Variants in DSTN observed in about 807,000 individuals in gnomAD.
The protein encoded by DSTN is destrin.
In DSTN, 10 loss-of-function variants were observed where a neutral mutation model predicts 16.8. The ratio of observed to expected loss-of-function variants is 0.60; its 90% CI spans 0.37 to 1.01. The LOEUF is 1.01. Among genes scored for constraint, DSTN ranks in the 50% least tolerant of loss-of-function variants. The probability of loss-of-function intolerance (pLI) is 0.01; values close to 1 mark genes in which losing one functional copy is unlikely to be tolerated. For synonymous variants in DSTN, 57 were observed against 58.9 expected (o/e 0.97, Z 0.14); for missense variants, 141 against 196.7 (o/e 0.72, Z 1.69).
chr20:17,582,053 A>G (rs1470082018), intron 1 of DSTN, among the ~76,000 whole-genome samples: 1 of 151,234 alleles, frequency 6.6e-6, no homozygotes, highest in African/African-American at 2.4e-5. Flanking sequence ...TACAAGAAAA[A>G]GTCCCTGTCT....
At chr20:17,602,423 G>A (rs543370231) in intron 2 of DSTN, among the ~76,000 whole-genome samples, 1 of 152,268 alleles carries the variant, frequency 6.6e-6, no homozygotes, top group East Asian at 1.9e-4. Context: ...TTTTAAATTG[G>A]TCGGTATTTC....
rs1460235930 is a variant in DSTN, at chr20:17,600,872, C to T, written c.138C>T (p.Cys46=). 5.6e-6 allele frequency: 9 copies of T among 1,613,806 alleles called. No homozygotes were observed. The highest frequency in any genetic ancestry group is 5.9e-6 in the Non-Finnish European group (7 of 1,179,836). The change falls in exon 2 of 4, where the codon TGC becomes TGT. Residue 46 remains cysteine, a synonymous_variant. Coordinates refer to ENST00000246069, the MANE Select transcript of DSTN (RefSeq NM_006870.4). ...VIFCLSADKK[C]IIVEEGKEIL... Reference sequence around the variant, plus strand: ...TTTGTCTCAGTGCAGACAAAAAGTGCATCATTGTAGAAGAAGGCAAAGAGA... The same window carrying T: ...TTTGTCTCAGTGCAGACAAAAAGTGTATCATTGTAGAAGAAGGCAAAGAGA...
At chr20:17,579,698 T>C (rs1568731091) in intron 1 of DSTN, among the ~76,000 whole-genome samples, 1 of 152,262 alleles carries the variant, frequency 6.6e-6, no homozygotes, top group Non-Finnish European at 1.5e-5. Flanking sequence ...TATTACTTGC[T>C]ATCCAAGTGG....
rs2035650611 is a variant in DSTN at position 17,607,070 on chromosome 20, A to T, written c.422A>T (p.Glu141Val). ...CATGAATGTCAAGCAAATGGACCAGAAGATCTCAATCGGGCTTGTATTGCT... is the reference window on the plus strand; with the variant it reads ...CATGAATGTCAAGCAAATGGACCAGTAGATCTCAATCGGGCTTGTATTGCT... ...IKHECQANGP[E>V]DLNRACIAEK... The change falls in exon 4 of 4, where the codon GAA (glutamate) becomes GTA (valine). Residue 141 changes from glutamate (E) to valine (V), a missense_variant. By Grantham distance (121) the Glu-to-Val change is moderately radical. Coordinates refer to ENST00000246069, the MANE Select transcript of DSTN (RefSeq NM_006870.4). 2 of 1,613,964 alleles carry T rather than the reference A, an allele frequency of 1.2e-6. No homozygotes were observed. Among genetic ancestry groups the T allele is most frequent in the Non-Finnish European group, 1.7e-6 (2 of 1,180,002 alleles).
chr20:17,601,438 T>C (rs916149393), intron 2 of DSTN, among the ~76,000 whole-genome samples: 2 of 152,226 alleles, frequency 1.3e-5, no homozygotes, highest in African/African-American at 4.8e-5. Context: ...CACCCCTTCC[T>C]TGTGCCTCTG....
intron 1 of DSTN, among the ~76,000 whole-genome samples, chr20:17,598,539 A>T (rs1210633614): frequency 6.6e-6 from 1 of 152,168 alleles, no homozygotes; most frequent in African/African-American, 2.4e-5. Context: ...AATCCTTTAA[A>T]ACTGTTTTTT....
Position 17,579,723 on chromosome 20 carries a change from A to T in DSTN, c.3+9512A>T, listed in dbSNP as rs144335798. 3.9e-5 allele frequency among the ~76,000 whole-genome samples: 6 copies of T among 152,372 alleles called. No individual in the cohort carries two copies. The East Asian group carries it at 1.2e-3, about 29-fold the overall frequency. On this transcript the variant is annotated intron_variant, in intron 1 of 3. Coordinates refer to ENST00000246069, the MANE Select transcript of DSTN (RefSeq NM_006870.4). ...TATCCAAGTGGAAGAAGCCAGAATCATTTATTTAACTCATTAAAAAGGGAT... is the reference window on the plus strand; with the variant it reads ...TATCCAAGTGGAAGAAGCCAGAATCTTTTATTTAACTCATTAAAAAGGGAT...
intron 3 of DSTN, among the ~76,000 whole-genome samples, chr20:17,606,568 A>C (rs775860181): frequency 6.6e-6 from 1 of 152,242 alleles, no homozygotes; most frequent in Non-Finnish European, 1.5e-5. Flanking sequence ...AAAGTACAAC[A>C]TATCTTTAGA....
At chr20:17,583,735 C>CTTTTTTTTTTTTTTTGTTTTTTTTTTT (rs2035373052) in intron 1 of DSTN, among the ~76,000 whole-genome samples, 1 of 72,484 alleles carries the variant, frequency 1.4e-5, no homozygotes, top group Non-Finnish European at 2.4e-5. Flanking sequence ...TTTGGAGTTT[C>CTTTTTTTTTTTTTTTGTTTTTTTTTTT]TTTTTTTTTT....
At chr20:17,575,962 C>G (rs928041349) in intron 1 of DSTN, among the ~76,000 whole-genome samples, 9 of 152,238 alleles carry the variant, frequency 5.9e-5, no homozygotes, top group South Asian at 4.1e-4. Context: ...TTCATGCCTC[C>G]TTTCATTGAT....
intron 1 of DSTN, chr20:17,596,581 CT>C: frequency 1.0e-6 from 1 of 977,766 alleles, no homozygotes. Context: ...TTTAACCTCA[CT>C]GCTGTAGTTC....
chr20:17,601,156 A>T, intron 2 of DSTN, 111 bp downstream of exon 2: 5 of 1,318,530 alleles, frequency 3.8e-6, no homozygotes, highest in Non-Finnish European at 5.1e-6. Context: ...AGTTGTTGTC[A>T]TTTAATTTTT....
chr20:17,594,082 AAAATAAATAAAT>A (rs59974407), intron 1 of DSTN, among the ~76,000 whole-genome samples: 26 of 145,606 alleles, frequency 1.8e-4, no homozygotes, highest in Middle Eastern at 3.4e-3. Flanking sequence ...CCGTATCTCA[AAAATAAATAAAT>A]AAATAAATAA....
intron 1 of DSTN, among the ~76,000 whole-genome samples, chr20:17,578,698 C>T (rs569778666): frequency 5.3e-5 from 8 of 152,112 alleles, no homozygotes; most frequent in African/African-American, 1.2e-4. Context: ...TGGTGGCTCA[C>T]GCCTGTTATC....
chr20:17,579,579 A>T (rs1405856753), intron 1 of DSTN, among the ~76,000 whole-genome samples: 1 of 152,134 alleles, frequency 6.6e-6, no homozygotes, highest in East Asian at 1.9e-4. Context: ...CAAGACCCTG[A>T]TCCCCCCAAA....
At position 17,583,156 on chromosome 20, in the gene DSTN, A is replaced by G. The variant is rs537788202; in HGVS notation, c.3+12945A>G. ...ATCAAAACCGCAAATACTGCTTTGTACCTGCTAAGACAGCTATAATGAAAA... is the reference window on the plus strand; with the variant it reads ...ATCAAAACCGCAAATACTGCTTTGTGCCTGCTAAGACAGCTATAATGAAAA... On this transcript the variant is annotated intron_variant, in intron 1 of 3. Transcript: ENST00000246069. Among the ~76,000 whole-genome samples, 8 of 152,374 alleles carry G rather than the reference A, an allele frequency of 5.3e-5. No individual in the cohort carries two copies. The South Asian group carries it at 1.4e-3, about 28-fold the overall frequency.
At chr20:17,576,172 A>G (rs750655924) in intron 1 of DSTN, 1 of 152,252 alleles carries the variant, frequency 6.6e-6, no homozygotes, top group Non-Finnish European at 1.5e-5. Context: ...TTGAATATTT[A>G]GAGTGATTCT....
intron 1 of DSTN, among the ~76,000 whole-genome samples, chr20:17,579,311 A>G (rs917472725): frequency 2.0e-5 from 3 of 152,198 alleles, no homozygotes; most frequent in African/African-American, 7.2e-5. Flanking sequence ...GTGGAGGCTC[A>G]TGCCTGTAAT....
At chr20:17,574,377 TAG>T (rs1243009256) in intron 1 of DSTN, among the ~76,000 whole-genome samples, 2 of 152,226 alleles carry the variant, frequency 1.3e-5, no homozygotes, top group Admixed American at 6.5e-5. Context: ...TGGTAGAATG[TAG>T]AGTGACTTAG....
Sources: allele counts gnomAD v4.1 joint callset (sites outside exome capture counted in the v4.1 genomes callset), GRCh38; gene constraint gnomAD v4.1.1; transcripts MANE v1.5; gene names NCBI Gene and HGNC (gene_info 2026-07-23, HGNC 2026-07-21).